The following GPC6 variants were observed in gnomAD, a reference collection of about 807,000 sequenced individuals.
GPC6 encodes the protein glypican-6.
A neutral mutation model predicts 55.2 loss-of-function variants in GPC6; 14 were observed. The observed-to-expected ratio is 0.25, with a 90% CI of 0.17 to 0.40. The LOEUF (loss-of-function observed/expected upper bound fraction) is 0.40. Among genes scored for constraint, GPC6 ranks in the 10% least tolerant of loss-of-function variants. The probability of loss-of-function intolerance (pLI) is 1.00; values close to 1 mark genes in which losing one functional copy is unlikely to be tolerated. For synonymous variants in GPC6, 278 were observed against 259.6 expected (o/e 1.07, Z -0.68); for missense variants, 641 against 708.5 (o/e 0.90, Z 1.08).
At chr13:93,248,851 C>G (rs2139025421) in intron 1 of GPC6, among the ~76,000 whole-genome samples, 1 of 152,294 alleles carries the variant, frequency 6.6e-6, no homozygotes, top group South Asian at 2.1e-4. Context: ...AAGGAAGTGG[C>G]TGGAGCTGAT....
At chr13:93,391,273 C>T (rs1875623678) in intron 1 of GPC6, among the ~76,000 whole-genome samples, 1 of 152,076 alleles carries the variant, frequency 6.6e-6, no homozygotes, top group South Asian at 2.1e-4. Context: ...TAAGCCATAA[C>T]TTTAGTATAA....
intron 3 of GPC6, among the ~76,000 whole-genome samples, chr13:93,936,876 T>A (rs1031685091): frequency 2.0e-5 from 3 of 152,212 alleles, no homozygotes; most frequent in Non-Finnish European, 4.4e-5. Context: ...GACCTAGATG[T>A]ATGTTATGGC....
At chr13:94,303,894 A>AT (rs1339328821) in intron 5 of GPC6, among the ~76,000 whole-genome samples, 2 of 152,076 alleles carry the variant, frequency 1.3e-5, no homozygotes, top group Non-Finnish European at 2.9e-5. Flanking sequence ...AGTGAGCCAC[A>AT]TTTTTCCCAA....
chr13:93,606,187 A>G (rs778050035), intron 2 of GPC6, among the ~76,000 whole-genome samples: 4 of 152,212 alleles, frequency 2.6e-5, no homozygotes, highest in Non-Finnish European at 5.9e-5. Flanking sequence ...TAAGGGGAAT[A>G]TCAATAAAAT....
chr13:93,272,241 G>A, intron 1 of GPC6, among the ~76,000 whole-genome samples: 1 of 151,898 alleles, frequency 6.6e-6, no homozygotes, highest in Non-Finnish European at 1.5e-5. Flanking sequence ...TAATTTTAAT[G>A]ACTTAGCTTT....
At chr13:93,229,771 C>A (rs1252306643) in intron 1 of GPC6, among the ~76,000 whole-genome samples, 3 of 151,650 alleles carry the variant, frequency 2.0e-5, no homozygotes, top group Non-Finnish European at 4.4e-5. Context: ...GTTAACTTTG[C>A]TTTAAGCCTT....
At chr13:93,679,762 T>G (rs1881778316) in intron 2 of GPC6, among the ~76,000 whole-genome samples, 1 of 152,132 alleles carries the variant, frequency 6.6e-6, no homozygotes, top group Non-Finnish European at 1.5e-5. Context: ...GGATGGTGAT[T>G]TATTAATTTC....
In GPC6 at chr13:94,398,498, C is replaced by A. The variant is rs770949949; in HGVS notation, c.1322C>A (p.Thr441Asn). ...YLPEIMNDGL[T>N]NQINNPEVDV... is the part of the protein sequence containing the mutation. ...CCTGAGATCATGAATGATGGGCTCA[C>A]CAACCAGATCAACAATCCCGAGGTG... The change falls in exon 8 of 9, where the codon ACC (threonine) becomes AAC (asparagine). Residue 441 changes from threonine (T) to asparagine (N), a missense_variant. Transcript: ENST00000377047. 6.2e-7 allele frequency: 1 copy of A among 1,613,740 alleles called. No homozygotes were observed. Among genetic ancestry groups the A allele is most frequent in the Non-Finnish European group, 8.5e-7 (1 of 1,179,678 alleles).
At chr13:93,651,777 A>G (rs1880423021) in intron 2 of GPC6, among the ~76,000 whole-genome samples, 1 of 152,032 alleles carries the variant, frequency 6.6e-6, no homozygotes, top group Non-Finnish European at 1.5e-5. Context: ...CCTGCAAACT[A>G]AGGCCTAAAA....
At chr13:94,336,458 T>C (rs1207957973) in intron 6 of GPC6, among the ~76,000 whole-genome samples, 1 of 152,184 alleles carries the variant, frequency 6.6e-6, no homozygotes, top group African/African-American at 2.4e-5. Context: ...TAGTCTTTCT[T>C]ATGAGCCTGT....
intron 2 of GPC6, among the ~76,000 whole-genome samples, chr13:93,695,975 C>T (rs963151950): frequency 2.6e-5 from 4 of 151,972 alleles, no homozygotes; most frequent in African/African-American, 9.7e-5. Flanking sequence ...AAAATAATTC[C>T]AGAAAATGTC....
intron 3 of GPC6, among the ~76,000 whole-genome samples, chr13:93,839,148 T>C (rs1042249373): frequency 2.6e-5 from 4 of 152,126 alleles, no homozygotes; most frequent in Non-Finnish European, 5.9e-5. Flanking sequence ...GCCATTAGGA[T>C]GTTAATGACT....
intron 4 of GPC6, among the ~76,000 whole-genome samples, chr13:94,178,746 G>A (rs1224676412): frequency 6.6e-6 from 1 of 152,098 alleles, no homozygotes; most frequent in African/African-American, 2.4e-5. Flanking sequence ...CTGATCAGCA[G>A]TTCTCAGAGT....
intron 3 of GPC6, among the ~76,000 whole-genome samples, chr13:93,972,926 T>C (rs1880347052): frequency 6.6e-6 from 1 of 151,828 alleles, no homozygotes; most frequent in Non-Finnish European, 1.5e-5. Flanking sequence ...TCTGTCTCTC[T>C]GTCTCTCTCT....
At chr13:93,358,297 AC>A (rs1322806684) in intron 1 of GPC6, among the ~76,000 whole-genome samples, 1 of 151,756 alleles carries the variant, frequency 6.6e-6, no homozygotes, top group Non-Finnish European at 1.5e-5. Flanking sequence ...CTATGACTGC[AC>A]CACTGTACTC....
rs1566331341 is a variant in GPC6 at position 93,389,618 on chromosome 13, C to CACAGAATGTATGTATATATGTATACAT, written c.161-155627_161-155626insTGTATACATACAGAATGTATGTATATA. On this transcript the variant is annotated intron_variant, in intron 1 of 8. Coordinates refer to ENST00000377047, the MANE Select transcript of GPC6 (RefSeq NM_005708.5). Reference sequence around the variant, plus strand: ...CAGAATGTATGTATATATGTATACACACAGAATGTATGTATATACTACCTT... The same window carrying CACAGAATGTATGTATATATGTATACAT: ...CAGAATGTATGTATATATGTATACACACAGAATGTATGTATATATGTATACATACAGAATGTATGTATATACTACCTT... 4.0e-5 allele frequency among the ~76,000 whole-genome samples: 6 copies of CACAGAATGTATGTATATATGTATACAT among 151,692 alleles called. No individual in the cohort carries two copies. In the East Asian group the frequency reaches 1.2e-3, roughly 29 times the overall value.
intron 4 of GPC6, among the ~76,000 whole-genome samples, chr13:94,098,711 T>G (rs572008788): frequency 6.6e-6 from 1 of 152,262 alleles, no homozygotes; most frequent in South Asian, 2.1e-4. Context: ...GATTCAACTT[T>G]CGTATGCTGT....
intron 1 of GPC6, among the ~76,000 whole-genome samples, chr13:93,344,090 G>A (rs140709116): frequency 6.6e-6 from 1 of 152,118 alleles, no homozygotes; most frequent in Non-Finnish European, 1.5e-5. Flanking sequence ...AACAGTAAAA[G>A]AAATCATTTC....
chr13:94,170,664 A>G (rs1046920127), intron 4 of GPC6, among the ~76,000 whole-genome samples: 4 of 152,194 alleles, frequency 2.6e-5, no homozygotes, highest in African/African-American at 7.2e-5. Flanking sequence ...CACGTTTTCA[A>G]ATTTGAAACT....
Sources: allele counts gnomAD v4.1 joint callset (sites outside exome capture counted in the v4.1 genomes callset), GRCh38; gene constraint gnomAD v4.1.1; transcripts MANE v1.5; gene names NCBI Gene and HGNC (gene_info 2026-07-23, HGNC 2026-07-21).